The following GPCPD1 variants were observed in gnomAD, a reference collection of about 807,000 sequenced individuals.
GPCPD1 encodes the protein glycerophosphocholine phosphodiesterase GPCPD1.
Under a neutral mutation model 89.2 loss-of-function variants are expected in GPCPD1, and 29 were observed. The ratio of observed to expected loss-of-function variants is 0.33; its 90% CI spans 0.24 to 0.44. The LOEUF (loss-of-function observed/expected upper bound fraction) is 0.44. Among genes scored for constraint, GPCPD1 ranks in the 20% least tolerant of loss-of-function variants. The probability of loss-of-function intolerance (pLI) is 1.00; values close to 1 mark genes in which losing one functional copy is unlikely to be tolerated. For missense variants in GPCPD1, 594 were observed against 808.9 expected, an observed-to-expected ratio of 0.73 and a Z score of 3.22; for synonymous variants, 258 against 266.3, an observed-to-expected ratio of 0.97 and a Z score of 0.30.
chr20:5,548,954 G>C, intron 19 of GPCPD1: 1 of 1,000,384 alleles, frequency 1.0e-6, no homozygotes. Context: ...CTACAGAACA[G>C]ATGGGCACTC....
intron 19 of GPCPD1, chr20:5,549,073 T>C (rs1418655186): frequency 6.1e-6 from 4 of 650,972 alleles, no homozygotes; most frequent in Non-Finnish European, 1.1e-5. Context: ...TCCAGTTGTC[T>C]AGTAATTTAA....
At chr20:5,599,952 A>C (rs957881150) in intron 2 of GPCPD1, among the ~76,000 whole-genome samples, 2 of 152,250 alleles carry the variant, frequency 1.3e-5, no homozygotes, top group Non-Finnish European at 2.9e-5. Flanking sequence ...CTTCTTGCTA[A>C]ATTTTATATA....
At chr20:5,584,453 T>C (rs1978772885) in intron 5 of GPCPD1, 131 bp from the exon 6 acceptor site, 1 of 504,934 alleles carries the variant, frequency 2.0e-6, no homozygotes, top group African/African-American at 2.0e-5. Flanking sequence ...CCAAGGTGAA[T>C]AAGCATATTT....
intron 8 of GPCPD1, among the ~76,000 whole-genome samples, chr20:5,577,215 C>CCAA (rs1368960034): frequency 6.6e-6 from 1 of 151,870 alleles, no homozygotes; most frequent in African/African-American, 2.4e-5. Flanking sequence ...CAGTCACGCG[C>CCAA]CAACACGCCT....
At chr20:5,559,570 C>T (rs1030970601) in intron 17 of GPCPD1, among the ~76,000 whole-genome samples, 1 of 137,256 alleles carries the variant, frequency 7.3e-6, no homozygotes, top group African/African-American at 2.9e-5. Context: ...AGAGTGAGAT[C>T]CTGTCTCAAA....
At position 5,561,452 on chromosome 20, in the gene GPCPD1, G is replaced by C. The variant is rs1467968483; in HGVS notation, c.1395+13C>G. On this transcript the variant is annotated intron_variant, in intron 16 of 19. Transcript: ENST00000379019. ...TAGAGAGTATAGAATGTGCTGCATA[G>C]AGAATTACTTACCCTTTGCTGGCAG... The C allele has an allele frequency of 1.4e-6, 2 of 1,463,890 alleles. No homozygotes were observed. The highest frequency in any genetic ancestry group is 4.6e-5 in the East Asian group (2 of 43,932). The allele number at this position is 1,463,890 out of a possible 1,614,324, so 90.7% of individuals were successfully genotyped here.
At chr20:5,587,372 ACT>A (rs1978995628) in intron 4 of GPCPD1, among the ~76,000 whole-genome samples, 1 of 150,034 alleles carries the variant, frequency 6.7e-6, no homozygotes, top group African/African-American at 2.5e-5. Flanking sequence ...TATTACACAT[ACT>A]CTTTTTTTTT....
intron 1 of GPCPD1, among the ~76,000 whole-genome samples, chr20:5,609,143 C>T (rs1238557793): frequency 6.6e-6 from 1 of 152,134 alleles, no homozygotes; most frequent in African/African-American, 2.4e-5. Flanking sequence ...GTTTTTTTGG[C>T]TACAAGGAAC....
chr20:5,556,801 A>C (rs1425188111), intron 19 of GPCPD1, among the ~76,000 whole-genome samples: 4 of 152,266 alleles, frequency 2.6e-5, no homozygotes, highest in African/African-American at 4.8e-5. Context: ...AGCAATGAAC[A>C]AATCAGGCAA....
rs1227480822 is a variant in GPCPD1 at position 5,561,447 on chromosome 20, G to A, written c.1395+18C>T. 3 of 1,421,126 alleles carry A rather than the reference G, an allele frequency of 2.1e-6. No individual in the cohort carries two copies. Among genetic ancestry groups the A allele is most frequent in the African/African-American group, 1.4e-5 (1 of 70,994 alleles). 88.0% of individuals were successfully genotyped at this position (1,421,126 alleles called of 1,614,324 possible). On this transcript the variant is annotated intron_variant, in intron 16 of 19. Coordinates refer to ENST00000379019, the MANE Select transcript of GPCPD1 (RefSeq NM_019593.5). ...AGGCATAGAGAGTATAGAATGTGCT[G>A]CATAGAGAATTACTTACCCTTTGCT...
chr20:5,590,102 G>C (rs775641360), intron 4 of GPCPD1, among the ~76,000 whole-genome samples: 3 of 151,682 alleles, frequency 2.0e-5, no homozygotes, highest in Non-Finnish European at 2.9e-5. Flanking sequence ...TATGTAGATT[G>C]GAAGTTTGTT....
intron 8 of GPCPD1, among the ~76,000 whole-genome samples, chr20:5,577,875 C>A (rs6053511): frequency 0.25 from 37,307 of 152,076 alleles, 5,013 homozygotes; most frequent in East Asian, 0.43. Flanking sequence ...ACATGTAGCT[C>A]CAGAAAGTTA....
intron 7 of GPCPD1, 35 bp from the exon 8 acceptor site, chr20:5,578,646 T>C (rs6038208): frequency 0.17 from 222,720 of 1,335,046 alleles, 19,605 homozygotes; most frequent in South Asian, 0.19. Context: ...ATGCAAGAAG[T>C]GGCAGAAAAG....
At chr20:5,569,612 T>C (rs1225307157) in intron 12 of GPCPD1, among the ~76,000 whole-genome samples, 1 of 152,152 alleles carries the variant, frequency 6.6e-6, no homozygotes, top group East Asian at 1.9e-4. Flanking sequence ...CTCTGTCCTC[T>C]GAAATTCCTA....
At chr20:5,605,476 T>A (rs1037597235) in intron 1 of GPCPD1, among the ~76,000 whole-genome samples, 13 of 152,186 alleles carry the variant, frequency 8.5e-5, no homozygotes, top group African/African-American at 2.6e-4. Context: ...AACTTATCAT[T>A]AAAAGAAAAA....
At chr20:5,555,844 G>A (rs781587657) in intron 19 of GPCPD1, among the ~76,000 whole-genome samples, 5 of 152,224 alleles carry the variant, frequency 3.3e-5, no homozygotes, top group African/African-American at 4.8e-5. Flanking sequence ...TTAAGAGTGA[G>A]ACTCTGTCTC....
intron 19 of GPCPD1, among the ~76,000 whole-genome samples, chr20:5,548,581 T>A (rs1985172889): frequency 6.6e-6 from 1 of 152,222 alleles, no homozygotes; most frequent in African/African-American, 2.4e-5. Context: ...GGTCAAGGTA[T>A]CAAGACAGAA....
At chr20:5,571,908 CAA>C (rs34332278) in intron 11 of GPCPD1, among the ~76,000 whole-genome samples, 1 of 125,832 alleles carries the variant, frequency 7.9e-6, no homozygotes. Flanking sequence ...AACTCCATCT[CAA>C]AAAAAAAAAA....
intron 6 of GPCPD1, among the ~76,000 whole-genome samples, chr20:5,581,248 G>A (rs1365114410): frequency 3.3e-5 from 5 of 152,102 alleles, no homozygotes; most frequent in Non-Finnish European, 5.9e-5. Flanking sequence ...CAAATATACA[G>A]GTAGTCTTAA....
Sources: allele counts gnomAD v4.1 joint callset (sites outside exome capture counted in the v4.1 genomes callset), GRCh38; gene constraint gnomAD v4.1.1; transcripts MANE v1.5; gene names NCBI Gene and HGNC (gene_info 2026-07-23, HGNC 2026-07-21).